Variants in TNS1 observed in about 807,000 individuals in gnomAD.
The protein encoded by TNS1 is tensin 1.
In TNS1, 62 loss-of-function variants were observed where a neutral mutation model predicts 168.6. The ratio of observed to expected loss-of-function variants is 0.37; its 90% confidence interval spans 0.30 to 0.45. TNS1 has a LOEUF of 0.45. Among genes scored for constraint, TNS1 ranks in the 20% least tolerant of loss-of-function variants. TNS1 has a pLI of 1.00. For synonymous variants in TNS1, 934 were observed against 933.2 expected, an observed-to-expected ratio of 1.00 and a Z score of -0.02; for missense variants, 2,240 against 2,339.4, an observed-to-expected ratio of 0.96 and a Z score of 0.88.
intron 3 of TNS1, among the ~76,000 whole-genome samples, chr2:217,938,081 G>C (rs892628664): frequency 6.6e-6 from 1 of 152,208 alleles, no homozygotes; most frequent in Non-Finnish European, 1.5e-5. Context: ...GCCAAGGAAG[G>C]GAAGCAAGAT....
At chr2:217,808,732 T>C (rs1244388627) in intron 30 of TNS1, 61 bp from the exon 31 acceptor site, 1 of 1,521,140 alleles carries the variant, frequency 6.6e-7, no homozygotes, top group Non-Finnish European at 9.1e-7. Flanking sequence ...TTTCCCCTCC[T>C]TCCACCAGCA....
chr2:217,814,800 A>G, intron 25 of TNS1, 112 bp downstream of exon 25: 1 of 773,590 alleles, frequency 1.3e-6, no homozygotes, highest in Non-Finnish European at 2.2e-6. Flanking sequence ...CCCCTCTGTG[A>G]TGACCCCCTG....
At chr2:217,828,887 G>A (rs559150608) in intron 22 of TNS1, among the ~76,000 whole-genome samples, 2 of 152,320 alleles carry the variant, frequency 1.3e-5, no homozygotes, top group African/African-American at 4.8e-5. Flanking sequence ...AGGAAACCAG[G>A]CAGGGCTTCC....
At chr2:217,924,383 C>T (rs1056302008) in intron 3 of TNS1, among the ~76,000 whole-genome samples, 11 of 152,122 alleles carry the variant, frequency 7.2e-5, no homozygotes, top group African/African-American at 2.7e-4. Flanking sequence ...CTTCACAGAC[C>T]TTATTACAAT....
At chr2:217,888,288 C>T (rs755345359) in intron 12 of TNS1, among the ~76,000 whole-genome samples, 13 of 152,162 alleles carry the variant, frequency 8.5e-5, no homozygotes, top group Non-Finnish European at 1.3e-4. Context: ...TCTCTCTTTC[C>T]CTGCCCTCCT....
At position 217,956,522 on chromosome 2, in the gene TNS1, G is replaced by A. The variant is rs935741239; in HGVS notation, c.186+22243C>T. ...CTGCGGGGAGAGGATGGAGACACAG[G>A]CGCTGGAAAGTCCTGTGGGATCCTG... On this transcript the variant is annotated intron_variant, in intron 3 of 32. Coordinates refer to ENST00000682258, the MANE Select transcript of TNS1 (RefSeq NM_001387777.1). Among the ~76,000 whole-genome samples the A allele has an allele frequency of 3.3e-5, 5 of 152,178 alleles. No individual in the cohort carries two copies. The East Asian group carries it at 5.8e-4, about 18-fold the overall frequency.
chr2:217,936,548 A>G (rs61203898), intron 3 of TNS1, among the ~76,000 whole-genome samples: 12,029 of 152,086 alleles, frequency 0.079, 1,111 homozygotes, highest in East Asian at 0.33. Context: ...TGAACATAGG[A>G]TTCCAGGAAC....
At chr2:217,951,517 G>A (rs1425369844) in intron 3 of TNS1, among the ~76,000 whole-genome samples, 1 of 152,158 alleles carries the variant, frequency 6.6e-6, no homozygotes, top group Non-Finnish European at 1.5e-5. Flanking sequence ...CATCAGCTAT[G>A]TTTGCTACTC....
intron 24 of TNS1, 73 bp from the exon 25 acceptor site, chr2:217,815,071 C>T: frequency 8.1e-7 from 1 of 1,234,138 alleles, no homozygotes; most frequent in Non-Finnish European, 1.2e-6. Flanking sequence ...AAAGTCCTGG[C>T]CCCCAGTGCT....
intron 10 of TNS1, 74 bp downstream of exon 10, chr2:217,893,365 T>G: frequency 1.3e-6 from 2 of 1,503,984 alleles, no homozygotes; most frequent in Non-Finnish European, 1.8e-6. Flanking sequence ...CAAGGACACA[T>G]TCAGGCACAC....
chr2:217,800,855 T>C lies in TNS1; in HGVS notation c.*3604A>G, dbSNP rs1937381066. ...GATTTGATCACACTCACCACCCTTC[T>C]GTGCCCCCTGGACAGCATGCTCCCC... On this transcript the variant is annotated 3_prime_UTR_variant, in exon 33 of 33. Coordinates refer to ENST00000682258, the MANE Select transcript of TNS1 (RefSeq NM_001387777.1). The C allele has an allele frequency of 6.6e-6, 1 of 152,182 alleles. No individual in the cohort carries two copies. Among genetic ancestry groups the C allele is most frequent in the Non-Finnish European group, 1.5e-5 (1 of 68,056 alleles). The allele number at this position is 152,182 out of a possible 1,614,324, so 9.4% of individuals were successfully genotyped here. A position where few individuals can be genotyped will look rare whatever the true frequency, so the allele number is the denominator to read the frequency against.
At position 217,818,303 on chromosome 2, in the gene TNS1, G is replaced by T. The variant is rs189777473; in HGVS notation, c.4029C>A (p.Thr1343=). ...GACACAGGCTGGGGCTCCCCGGGGTGGTCGCTGCACTGCTCTGGGGGCTGG... is the reference window on the plus strand; with the variant it reads ...GACACAGGCTGGGGCTCCCCGGGGTTGTCGCTGCACTGCTCTGGGGGCTGG... ...TVSSPQSSAA[T]TPGSPSLCRH... is the part of the protein sequence containing the mutation. Residue 1343 remains threonine, a synonymous_variant, in exon 24 of 33, where the codon ACC becomes ACA. Coordinates refer to ENST00000682258, the MANE Select transcript of TNS1 (RefSeq NM_001387777.1). 887 of 1,613,650 alleles carry T rather than the reference G, an allele frequency of 5.5e-4. 2 individuals carry two copies. Among genetic ancestry groups the T allele is most frequent in the South Asian group, 8.3e-4 (76 of 91,038 alleles).
Position 218,033,861 on chromosome 2 carries a change from C to T in TNS1, c.115G>A (p.Gly39Arg), listed in dbSNP as rs543131747. ...CTTCTCTCTGCACAGGCCAAACCCC[C>T]GGACTCCCAGCACTCAGCCCGCGCC... The change falls in exon 1 of 2, where the codon GGG becomes AGG. Residue 39 changes from glycine (G) to arginine (R), a missense_variant. Transcript: ENST00000649572. This position sits in a 1 kb window ranked among gnomAD's most constrained non-coding sequence, Gnocchi z 4.3. Among the ~76,000 whole-genome samples, 5 of 152,336 alleles carry T rather than the reference C, an allele frequency of 3.3e-5. No individual in the cohort carries two copies. The highest frequency in any genetic ancestry group is 1.2e-4 in the African/African-American group (5 of 41,576).
chr2:217,879,991 T>G (rs781684589), intron 18 of TNS1, among the ~76,000 whole-genome samples: 1 of 152,154 alleles, frequency 6.6e-6, no homozygotes, highest in Non-Finnish European at 1.5e-5. Context: ...GGGAAGGGTC[T>G]CAGTCACCCC....
At chr2:217,842,237 AT>A (rs751627218) in intron 19 of TNS1, 116 of 611,366 alleles carry the variant, frequency 1.9e-4, no homozygotes, top group Non-Finnish European at 3.1e-4. Flanking sequence ...AACAATTCCC[AT>A]ATCTCTAAGT....
chr2:217,938,903 A>T (rs945178366), intron 3 of TNS1, among the ~76,000 whole-genome samples: 1 of 152,112 alleles, frequency 6.6e-6, no homozygotes, highest in Non-Finnish European at 1.5e-5. Flanking sequence ...GGAAGAGAAG[A>T]TTCTTCCCTG....
chr2:217,904,737 G>T (rs1227690851), intron 6 of TNS1, among the ~76,000 whole-genome samples: 1 of 152,224 alleles, frequency 6.6e-6, no homozygotes, highest in Non-Finnish European at 1.5e-5. Flanking sequence ...GCAATCAAAA[G>T]TTCTTCGTGA....
At chr2:217,893,159 G>A (rs1951907412) in intron 10 of TNS1, 147 bp from the exon 11 acceptor site, 4 of 1,083,046 alleles carry the variant, frequency 3.7e-6, no homozygotes, top group Non-Finnish European at 3.9e-6. Flanking sequence ...GGGGGCCTCA[G>A]GGGAGGGAGG....
chr2:217,805,492 ACACCACACACAC>A (rs1938470928), intron 32 of TNS1, among the ~76,000 whole-genome samples: 6 of 23,078 alleles, frequency 2.6e-4, no homozygotes, highest in Admixed American at 2.6e-3. Flanking sequence ...CACCACACAC[ACACCACACACAC>A]CACCACACAC....
Sources: gnomAD v4.1 joint callset for allele counts (sites outside exome capture counted in the v4.1 genomes callset) on GRCh38, gnomAD v4.1.1 for gene constraint, Gnocchi (gnomAD v3.1) non-coding constraint, MANE v1.5 for transcripts, NCBI Gene and HGNC (gene_info 2026-07-23, HGNC 2026-07-21) for gene names.